DMD: variants seen among roughly 807,000 people sequenced by gnomAD.
DMD encodes the protein dystrophin.
DMD carries 63 observed loss-of-function variants against 330.1 expected under a neutral mutation model. The observed-to-expected ratio is 0.19, with a 90% CI of 0.16 to 0.24. The LOEUF (loss-of-function observed/expected upper bound fraction) is 0.24, where lower values mean the gene tolerates loss of function less well. Among genes scored for constraint, DMD ranks in the 10% least tolerant of loss-of-function variants. The pLI, the probability that DMD is intolerant of heterozygous loss-of-function variation, is 1.00. For synonymous variants in DMD, 1,223 were observed against 959.8 expected (o/e 1.27, Z -5.07); for missense variants, 3,344 against 2,684.1 (o/e 1.25, Z -5.43).
At chrX:33,284,025 GACAAA>G (rs930641294) in intron 1 of DMD, among the ~76,000 whole-genome samples, 17 of 110,276 alleles carry the variant, frequency 1.5e-4, no homozygotes, top group African/African-American at 5.3e-4. Context: ...CAAAAAACAA[GACAAA>G]ACAAAACAAA....
chrX:32,070,809 G>A (rs762934762), intron 44 of DMD, among the ~76,000 whole-genome samples: 1 of 111,086 alleles, frequency 9.0e-6, no homozygotes, highest in South Asian at 3.8e-4. Context: ...ATGGGCTTTG[G>A]AGACTTGGGG....
intron 43 of DMD, among the ~76,000 whole-genome samples, chrX:32,228,430 T>C (rs1603628692): frequency 9.0e-6 from 1 of 111,336 alleles, no homozygotes; most frequent in African/African-American, 3.3e-5. Context: ...AACCTAAAAT[T>C]ATGCAATTTC....
At chrX:31,153,840 G>T (rs2037755979) in intron 74 of DMD, among the ~76,000 whole-genome samples, 1 of 112,236 alleles carries the variant, frequency 8.9e-6, no homozygotes, top group South Asian at 3.7e-4. Context: ...TCTGAGATAG[G>T]ACAAGCTGTC....
intron 47 of DMD, among the ~76,000 whole-genome samples, chrX:31,876,809 A>G (rs1179995846): frequency 8.9e-6 from 1 of 112,121 alleles, no homozygotes; most frequent in Non-Finnish European, 1.9e-5. Context: ...ATCCCAGAAT[A>G]AAGAATTTAA....
intron 43 of DMD, among the ~76,000 whole-genome samples, chrX:32,225,633 C>T (rs191702506): frequency 9.0e-6 from 1 of 111,049 alleles, no homozygotes; most frequent in East Asian, 2.8e-4. Context: ...TGGTTTCTCA[C>T]GGTTTAATAC....
chrX:33,294,185 G>T (rs1446717974), intron 1 of DMD, among the ~76,000 whole-genome samples: 1 of 110,982 alleles, frequency 9.0e-6, no homozygotes, highest in African/African-American at 3.3e-5. Flanking sequence ...CTGAGATTTT[G>T]CAGGTTTTTT....
intron 9 of DMD, among the ~76,000 whole-genome samples, chrX:32,662,590 T>A (rs934246655): frequency 3.6e-5 from 4 of 111,686 alleles, no homozygotes; most frequent in African/African-American, 1.3e-4. Context: ...TTCCGTATAG[T>A]TGGCCAACAT....
chrX:32,781,634 C>T (rs1287227417), intron 7 of DMD, among the ~76,000 whole-genome samples: 1 of 109,887 alleles, frequency 9.1e-6, no homozygotes, highest in Non-Finnish European at 1.9e-5. Flanking sequence ...GTGAATGTGT[C>T]AGCCTCTCTC....
chrX:33,128,335 C>G, intron 1 of DMD: 1 of 1,027,300 alleles, frequency 9.7e-7, no homozygotes. Flanking sequence ...CTCACAAAAG[C>G]AGACAAACAC....
chrX:32,788,170 G>A (rs944534877), intron 7 of DMD, among the ~76,000 whole-genome samples: 3 of 111,687 alleles, frequency 2.7e-5, no homozygotes, highest in Non-Finnish European at 3.8e-5. Flanking sequence ...AATGAACATA[G>A]AAACTTATTT....
rs1211129860 is a variant in DMD at position 32,310,291 on chromosome X, C to T, written c.5923-15G>A. On this transcript the variant is annotated splice_polypyrimidine_tract_variant and intron_variant, in intron 41 of 78. Transcript: ENST00000357033. ...CGGACAGTGTGCTGGTATAGATATA[C>T]AAAAGAACAATTTTTTTTAGCTTCC... 8.4e-7 allele frequency: 1 copy of T among 1,188,880 alleles called. No homozygotes were observed. Among genetic ancestry groups the T allele is most frequent in the East Asian group, 3.0e-5 (1 of 33,356 alleles).
Position 32,857,029 on chromosome X carries a change from A to C in DMD, c.94-7209T>G, listed in dbSNP as rs5972697. Among the ~76,000 whole-genome samples, 222 of 108,029 alleles carry C rather than the reference A, an allele frequency of 2.1e-3. 2 individuals are homozygous for C. Among genetic ancestry groups the C allele is most frequent in the African/African-American group, 7.3e-3 (213 of 29,255 alleles). 93.8% of individuals were successfully genotyped at this position (108,029 alleles called of 115,157 possible). ...GGCGGAGCTTGCAATGAGCCCAGATAGCATCACTGCACTCCACCCTGGGTG... is the reference window on the plus strand; with the variant it reads ...GGCGGAGCTTGCAATGAGCCCAGATCGCATCACTGCACTCCACCCTGGGTG... On this transcript the variant is annotated intron_variant, in intron 2 of 78. Transcript: ENST00000357033.
chrX:31,421,776 A>G (rs1365984470), intron 60 of DMD, among the ~76,000 whole-genome samples: 2 of 107,573 alleles, frequency 1.9e-5, no homozygotes, highest in African/African-American at 6.8e-5. Context: ...TAAGTCAACC[A>G]GAAACTATTT....
chrX:31,862,423 G>A (rs188881543), intron 48 of DMD, among the ~76,000 whole-genome samples: 3 of 111,099 alleles, frequency 2.7e-5, no homozygotes, highest in Admixed American at 9.6e-5. Flanking sequence ...GAGCCATTGC[G>A]CCTGGCCTAT....
At chrX:32,401,501 G>C (rs186753011) in intron 30 of DMD, among the ~76,000 whole-genome samples, 377 of 111,191 alleles carry the variant, frequency 3.4e-3, no homozygotes, top group Non-Finnish European at 6.0e-3. Flanking sequence ...TTATTTGTGG[G>C]AGCTAAAAAT....
chrX:31,720,888 T>C (rs1480882546), intron 52 of DMD, among the ~76,000 whole-genome samples: 1 of 111,646 alleles, frequency 9.0e-6, no homozygotes, highest in Admixed American at 9.6e-5. Flanking sequence ...GGATTTTAAA[T>C]CCTATTCAAA....
intron 62 of DMD, among the ~76,000 whole-genome samples, chrX:31,276,752 A>G (rs1197186130): frequency 8.9e-6 from 1 of 112,336 alleles, no homozygotes; most frequent in African/African-American, 3.2e-5. Context: ...ATTAGAATGA[A>G]CAATCCACCA....
At chrX:31,319,022 T>C (rs149574167) in intron 62 of DMD, among the ~76,000 whole-genome samples, 23 of 112,344 alleles carry the variant, frequency 2.0e-4, no homozygotes, top group African/African-American at 7.4e-4. Context: ...AGAACTAATA[T>C]ATGCAGAAGA....
At chrX:32,836,583 ATTT>A (rs2079652890) in intron 4 of DMD, among the ~76,000 whole-genome samples, 1 of 110,966 alleles carries the variant, frequency 9.0e-6, no homozygotes, top group Non-Finnish European at 1.9e-5. Context: ...TTTTTGTAAC[ATTT>A]TTATTTGAAA....
Sources: allele counts gnomAD v4.1 joint callset (sites outside exome capture counted in the v4.1 genomes callset), GRCh38; gene constraint gnomAD v4.1.1; transcripts MANE v1.5; gene names NCBI Gene and HGNC (gene_info 2026-07-23, HGNC 2026-07-21).